Variants in TBC1D14 observed in about 807,000 individuals in gnomAD.
The protein encoded by TBC1D14 is TBC1 domain family member 14.
Under a neutral mutation model 79.0 loss-of-function variants are expected in TBC1D14, and 26 were observed. The ratio of observed to expected loss-of-function variants is 0.33; its 90% CI spans 0.24 to 0.46. The LOEUF (loss-of-function observed/expected upper bound fraction) is 0.46. Ranked by LOEUF, TBC1D14 falls within the 20% of genes least tolerant of loss-of-function variation. TBC1D14 has a pLI of 1.00. For missense variants in TBC1D14, 769 were observed against 887.6 expected (o/e 0.87, Z 1.70); for synonymous variants, 394 against 349.9 (o/e 1.13, Z -1.40).
chr4:6,959,461 G>A (rs1479790492), intron 2 of TBC1D14, among the ~76,000 whole-genome samples: 4 of 152,258 alleles, frequency 2.6e-5, no homozygotes, highest in African/African-American at 7.2e-5. Flanking sequence ...GCCTTCCCCC[G>A]GGCTGGTGTG....
chr4:7,027,762 C>G (rs891085887), intron 13 of TBC1D14, among the ~76,000 whole-genome samples: 6 of 141,708 alleles, frequency 4.2e-5, no homozygotes, highest in African/African-American at 1.6e-4. Context: ...CACAATCACC[C>G]CACACACATC....
chr4:6,983,105 C>T (rs572375069), intron 3 of TBC1D14, among the ~76,000 whole-genome samples: 19 of 152,050 alleles, frequency 1.2e-4, no homozygotes, highest in Non-Finnish European at 2.6e-4. Flanking sequence ...TCACTGCAAC[C>T]TCTGCCTCCT....
At chr4:7,015,655 G>A (rs1043074743) in intron 12 of TBC1D14, among the ~76,000 whole-genome samples, 4 of 152,186 alleles carry the variant, frequency 2.6e-5, no homozygotes, top group African/African-American at 9.7e-5. Flanking sequence ...TGGGAGACCT[G>A]TGTGTGGAAG....
intron 2 of TBC1D14, among the ~76,000 whole-genome samples, chr4:6,937,906 G>A (rs1373696477): frequency 6.6e-6 from 1 of 152,096 alleles, no homozygotes; most frequent in Non-Finnish European, 1.5e-5. Context: ...AGTGGAACCT[G>A]CAGGGTCAGT....
intron 12 of TBC1D14, among the ~76,000 whole-genome samples, chr4:7,018,729 T>C (rs897742467): frequency 1.4e-4 from 22 of 152,224 alleles, no homozygotes; most frequent in Non-Finnish European, 5.9e-5. Context: ...CGATGAGGCA[T>C]GTGGATCAGA....
intron 13 of TBC1D14, among the ~76,000 whole-genome samples, chr4:7,028,456 C>T (rs1433294153): frequency 6.6e-6 from 1 of 150,688 alleles, no homozygotes; most frequent in Non-Finnish European, 1.5e-5. Context: ...GACGGAGTCT[C>T]CACCCTGTTG....
At chr4:6,962,496 T>A (rs1715317126) in intron 2 of TBC1D14, among the ~76,000 whole-genome samples, 1 of 152,152 alleles carries the variant, frequency 6.6e-6, no homozygotes, top group South Asian at 2.1e-4. Flanking sequence ...CAACAGCTGC[T>A]TGTCCTTAAT....
intron 1 of TBC1D14, among the ~76,000 whole-genome samples, chr4:6,921,973 G>A (rs894745339): frequency 6.6e-6 from 1 of 152,182 alleles, no homozygotes; most frequent in African/African-American, 2.4e-5. Context: ...GGGATTACAG[G>A]TGTGAGCCAC....
rs150358625 is a variant in TBC1D14, at chr4:7,000,247, G to A, written c.1164-898G>A. ...CCACTCTGGTCTGTCCTGCAGGGCC[G>A]TGGGTTGGATGTGGTCTGAATGCAT... is the stretch of plus-strand genomic sequence containing the variant. On this transcript the variant is annotated intron_variant, in intron 6 of 13. Transcript: ENST00000409757. 7.0e-4 allele frequency among the ~76,000 whole-genome samples: 107 copies of A among 152,272 alleles called. 1 individual carries two copies. The highest frequency in any genetic ancestry group is 3.4e-3 in the Middle Eastern group (1 of 294).
chr4:6,938,995 G>A (rs1300994767), intron 2 of TBC1D14, among the ~76,000 whole-genome samples: 1 of 152,180 alleles, frequency 6.6e-6, no homozygotes, highest in Non-Finnish European at 1.5e-5. Context: ...CCTGAGTGCT[G>A]CATGGGAAAG....
At chr4:6,936,034 A>G (rs1473237575) in intron 2 of TBC1D14, among the ~76,000 whole-genome samples, 1 of 152,240 alleles carries the variant, frequency 6.6e-6, no homozygotes, top group African/African-American at 2.4e-5. Context: ...AAAATTAAGC[A>G]GAAAGGATAG....
At chr4:6,976,965 A>G (rs1401679040) in intron 3 of TBC1D14, among the ~76,000 whole-genome samples, 1 of 150,840 alleles carries the variant, frequency 6.6e-6, no homozygotes, top group Non-Finnish European at 1.5e-5. Flanking sequence ...TGGGAAACAC[A>G]ATTTTAAATA....
chr4:6,944,258 G>A (rs1044328450), intron 2 of TBC1D14, among the ~76,000 whole-genome samples: 8 of 152,074 alleles, frequency 5.3e-5, no homozygotes, highest in South Asian at 2.1e-4. Context: ...GCTTTTCTAC[G>A]TAGAGGAAAC....
chr4:6,928,820 T>G (rs1396133017), intron 2 of TBC1D14, among the ~76,000 whole-genome samples: 1 of 152,148 alleles, frequency 6.6e-6, no homozygotes, highest in Non-Finnish European at 1.5e-5. Flanking sequence ...TAGGAACAAG[T>G]TCATGCTTCT....
chr4:6,949,097 C>A (rs1234497053), intron 2 of TBC1D14, among the ~76,000 whole-genome samples: 1 of 151,808 alleles, frequency 6.6e-6, no homozygotes, highest in Non-Finnish European at 1.5e-5. Flanking sequence ...TCACTTGAAC[C>A]TGGGAGGTGG....
At chr4:6,948,967 G>A (rs939895318) in intron 2 of TBC1D14, among the ~76,000 whole-genome samples, 19 of 151,982 alleles carry the variant, frequency 1.3e-4, no homozygotes, top group Non-Finnish European at 2.6e-4. Flanking sequence ...GGAGGCCGAG[G>A]CGGGTGGATC....
intron 1 of TBC1D14, among the ~76,000 whole-genome samples, chr4:6,915,922 C>T (rs1287835561): frequency 1.3e-5 from 2 of 150,960 alleles, no homozygotes; most frequent in East Asian, 1.9e-4. Flanking sequence ...CAAAACCAGT[C>T]TGGCCAACAT....
chr4:6,957,247 TG>T (rs1391809243), intron 2 of TBC1D14, among the ~76,000 whole-genome samples: 4 of 152,250 alleles, frequency 2.6e-5, no homozygotes, highest in African/African-American at 9.6e-5. Flanking sequence ...CCTTGAGAAC[TG>T]ACCTAATGTC....
At chr4:6,916,661 C>G (rs1185840544) in intron 1 of TBC1D14, among the ~76,000 whole-genome samples, 1 of 152,230 alleles carries the variant, frequency 6.6e-6, no homozygotes, top group African/African-American at 2.4e-5. Flanking sequence ...TCGGGGGCAG[C>G]TGTCCTCTTT....
Sources: gnomAD v4.1 joint callset for allele counts (sites outside exome capture counted in the v4.1 genomes callset) on GRCh38, gnomAD v4.1.1 for gene constraint, MANE v1.5 for transcripts, NCBI Gene and HGNC (gene_info 2026-07-23, HGNC 2026-07-21) for gene names.